The following ZBTB43 variants were observed in gnomAD, a reference collection of about 807,000 sequenced individuals.
ZBTB43 encodes the protein zinc finger and BTB domain containing 43.
Under a neutral mutation model 31.1 loss-of-function variants are expected in ZBTB43, and 6 were observed. The observed-to-expected ratio is 0.19, with a 90% CI of 0.11 to 0.38. ZBTB43 has a LOEUF of 0.38. Ranked by LOEUF, ZBTB43 falls within the 10% of genes least tolerant of loss-of-function variation. ZBTB43 has a pLI of 1.00. For missense variants in ZBTB43, 379 were observed against 602.1 expected (o/e 0.63, Z 3.88); for synonymous variants, 212 against 221.7 (o/e 0.96, Z 0.39).
chr9:126,817,128 T>TTTTTTA (rs2032404848), intron 2 of ZBTB43, among the ~76,000 whole-genome samples: 2 of 110,906 alleles, frequency 1.8e-5, no homozygotes, highest in African/African-American at 6.5e-5. Flanking sequence ...TTTTTTTTTT[T>TTTTTTA]GAGACAGAGT....
chr9:126,804,536 G>C (rs1363330134), upstream of ZBTB43, among the ~76,000 whole-genome samples: 3 of 152,214 alleles, frequency 2.0e-5, no homozygotes, highest in Non-Finnish European at 2.9e-5. Flanking sequence ...TCAGGCTGGA[G>C]TGCAGCGGCG....
intron 2 of ZBTB43, among the ~76,000 whole-genome samples, chr9:126,809,720 A>T (rs1016667128): frequency 1.3e-5 from 2 of 152,250 alleles, no homozygotes; most frequent in African/African-American, 2.4e-5. Flanking sequence ...CGTTAAAAAA[A>T]GCCAAATAGC....
intron 2 of ZBTB43, among the ~76,000 whole-genome samples, chr9:126,813,333 G>C (rs1199724113): frequency 6.6e-6 from 1 of 152,074 alleles, no homozygotes; most frequent in Non-Finnish European, 1.5e-5. Context: ...CCTATAATTA[G>C]CTTCTACTTC....
rs1287636444 is a variant in ZBTB43 at position 126,834,330 on chromosome 9, A to G, written c.*417A>G. On this transcript the variant is annotated 3_prime_UTR_variant, in exon 3 of 3. Transcript: ENST00000373464. Reference sequence around the variant, plus strand: ...TGCTATAGATACTTAGGTAATGTGGATTTGTTTTGGTAGCTATTTCACTGA... The same window carrying G: ...TGCTATAGATACTTAGGTAATGTGGGTTTGTTTTGGTAGCTATTTCACTGA... The G allele has an allele frequency of 5.8e-6, 1 of 171,118 alleles. No individual in the cohort carries two copies. The highest frequency in any genetic ancestry group is 1.4e-5 in the Non-Finnish European group (1 of 71,076). 10.6% of individuals were successfully genotyped at this position (171,118 alleles called of 1,614,324 possible).
At position 126,833,347 on chromosome 9, in the gene ZBTB43, C is replaced by G. The variant is rs2119172178; in HGVS notation, c.838C>G (p.His280Asp). ...GTCCATCAACACCGTGCAGACAGAG[C>G]ACACGGTGCAGCCTTCGGGAGTGGA... ...TESINTVQTE[H>D]TVQPSGVEED... Residue 280 changes from histidine (H) to aspartate (D), a missense_variant, in exon 3 of 3, where the codon CAC becomes GAC. Physicochemically the swap from His to Asp is moderately conservative, Grantham distance 81. Coordinates refer to ENST00000373464, the MANE Select transcript of ZBTB43 (RefSeq NM_014007.4). The surrounding 1 kb of genome is among the most constrained non-coding windows in gnomAD (Gnocchi z 7.9). 6.2e-7 allele frequency: 1 copy of G among 1,612,958 alleles called. No individual in the cohort carries two copies. Among genetic ancestry groups the G allele is most frequent in the East Asian group, 2.2e-5 (1 of 44,836 alleles).
chr9:126,804,673 C>T (rs1376824402), upstream of ZBTB43, among the ~76,000 whole-genome samples: 1 of 152,174 alleles, frequency 6.6e-6, no homozygotes, highest in Non-Finnish European at 1.5e-5. Flanking sequence ...TTTGTAGAGA[C>T]AGGGTTTCAC....
Position 126,833,944 on chromosome 9 carries a change from C to T in ZBTB43, c.*31C>T. On this transcript the variant is annotated 3_prime_UTR_variant, in exon 3 of 3. Coordinates refer to ENST00000373464, the MANE Select transcript of ZBTB43 (RefSeq NM_014007.4). The surrounding 1 kb of genome is among the most constrained non-coding windows in gnomAD (Gnocchi z 7.9). ...GGATCTGGCCCTTGAGTGGCATGCA[C>T]AAAAATAAACTATGGTAATTAATGC... 1 of 1,519,930 alleles carries T rather than the reference C, an allele frequency of 6.6e-7. No individual in the cohort carries two copies. Among genetic ancestry groups the T allele is most frequent in the Non-Finnish European group, 8.9e-7 (1 of 1,126,156 alleles). 94.2% of individuals were successfully genotyped at this position (1,519,930 alleles called of 1,614,324 possible). A position where few individuals can be genotyped will look rare whatever the true frequency, so the allele number is the denominator to read the frequency against.
chr9:126,804,921 C>A (rs1356032326), upstream of ZBTB43: 1 of 152,482 alleles, frequency 6.6e-6, no homozygotes, highest in Non-Finnish European at 1.5e-5. Context: ...TCCCGACGCC[C>A]AGCTCAGACG....
chr9:126,808,981 C>CA (rs753397601), intron 2 of ZBTB43, 66 bp downstream of exon 2: 1 of 152,120 alleles, frequency 6.6e-6, no homozygotes, highest in Non-Finnish European at 1.5e-5. Flanking sequence ...TCTCTTTTAG[C>CA]AAAAATAATA....
chr9:126,824,930 A>G (rs113262603), intron 2 of ZBTB43, among the ~76,000 whole-genome samples: 2,078 of 152,078 alleles, frequency 0.014, 53 homozygotes, highest in African/African-American at 0.047. Flanking sequence ...CTCAGGTTGT[A>G]TTCATTTTTC....
chr9:126,811,762 A>G (rs957780764), intron 2 of ZBTB43, among the ~76,000 whole-genome samples: 1 of 152,084 alleles, frequency 6.6e-6, no homozygotes, highest in African/African-American at 2.4e-5. Flanking sequence ...AGTAGCTGGG[A>G]CTACAGGCAC....
chr9:126,813,364 C>T (rs2032292569), intron 2 of ZBTB43, among the ~76,000 whole-genome samples: 1 of 152,202 alleles, frequency 6.6e-6, no homozygotes, highest in Non-Finnish European at 1.5e-5. Flanking sequence ...CTGCTTTAGT[C>T]CGTCAGCAGA....
At chr9:126,824,608 A>G (rs528319912) in intron 2 of ZBTB43, among the ~76,000 whole-genome samples, 1 of 152,116 alleles carries the variant, frequency 6.6e-6, no homozygotes, top group Non-Finnish European at 1.5e-5. Flanking sequence ...TGGCCTCCAT[A>G]TGGTTTCTGC....
At chr9:126,819,624 C>A (rs1266312999) in intron 2 of ZBTB43, among the ~76,000 whole-genome samples, 1 of 151,952 alleles carries the variant, frequency 6.6e-6, no homozygotes, top group Non-Finnish European at 1.5e-5. Context: ...ACGTGATACA[C>A]AACCACTTGA....
At chr9:126,808,963 TAATCATTTCTCTTTTAGCAAA>T in intron 2 of ZBTB43, 48 bp downstream of exon 2, 1 of 152,362 alleles carries the variant, frequency 6.6e-6, no homozygotes, top group South Asian at 2.1e-4. Flanking sequence ...TTACTTACTG[TAATCATTTCTCTTTTAGCAAA>T]AATAATAATG....
Position 126,833,755 on chromosome 9 carries a change from G to A in ZBTB43, c.1246G>A (p.Val416Met). The change falls in exon 3 of 3, where the codon GTG (valine) becomes ATG (methionine). Residue 416 changes from valine (V) to methionine (M), a missense_variant. Val to Met is a conservative substitution (Grantham distance 21, BLOSUM62 1). This residue lies in a region of ZBTB43 where 23 missense variants were observed against 105.1 expected (regional missense o/e 0.22). Transcript: ENST00000373464. The surrounding 1 kb of genome is among the most constrained non-coding windows in gnomAD (Gnocchi z 7.9). ...GAAATTCAAAATGAAGCACCATCTC[G>A]TGGGCCACATGAAAATTCACACAGG... Reference protein sequence around the residue: ...GKKFKMKHHLVGHMKIHTGIK... With the variant: ...GKKFKMKHHLMGHMKIHTGIK... 1 of 1,611,150 alleles carries A rather than the reference G, an allele frequency of 6.2e-7. No homozygotes were observed. Among genetic ancestry groups the A allele is most frequent in the Non-Finnish European group, 8.5e-7 (1 of 1,177,498 alleles).
chr9:126,817,611 G>A (rs2032417340), intron 2 of ZBTB43, among the ~76,000 whole-genome samples: 1 of 152,042 alleles, frequency 6.6e-6, no homozygotes, highest in African/African-American at 2.4e-5. Context: ...GAGCAGCTGG[G>A]ACTACAGGTG....
Position 126,833,570 on chromosome 9 carries a change from T to C in ZBTB43, c.1061T>C (p.Val354Ala). ...AAGYSENIEMVTGIKEEASHL... is the reference protein window; with the variant it reads ...AAGYSENIEMATGIKEEASHL... The stretch of plus-strand genomic sequence containing the variant: ...GGTTACAGTGAGAATATTGAAATGG[T>C]AACAGGGATTAAAGAAGAAGCTTCC... Residue 354 changes from valine (V) to alanine (A), a missense_variant, in exon 3 of 3, where the codon GTA becomes GCA. Transcript: ENST00000373464. The surrounding 1 kb of genome is among the most constrained non-coding windows in gnomAD (Gnocchi z 7.9). 6.2e-7 allele frequency: 1 copy of C among 1,613,872 alleles called. No individual in the cohort carries two copies. Among genetic ancestry groups the C allele is most frequent in the Non-Finnish European group, 8.5e-7 (1 of 1,179,944 alleles).
chr9:126,833,403 G>A lies in ZBTB43; in HGVS notation c.894G>A (p.Val298=), dbSNP rs750777759. ...ACTTCCACATCGGGGAGAAGAAAGT[G>A]GAAGCTGAGTTTGATGAACAGGCTG... ...EEDFHIGEKK[V]EAEFDEQADE... Residue 298 remains valine (V), a synonymous_variant, in exon 3 of 3, where the codon GTG becomes GTA. Transcript: ENST00000373464. This position sits in a 1 kb window ranked among gnomAD's most constrained non-coding sequence, Gnocchi z 7.9. The A allele has an allele frequency of 1.2e-6, 2 of 1,614,074 alleles. No individual in the cohort carries two copies. Among genetic ancestry groups the A allele is most frequent in the Admixed American group, 3.3e-5 (2 of 60,004 alleles).
Sources: gnomAD v4.1 joint callset for allele counts (sites outside exome capture counted in the v4.1 genomes callset) on GRCh38, gnomAD v4.1.1 for gene constraint, gnomAD v4.1.1 regional missense constraint, Gnocchi (gnomAD v3.1) non-coding constraint, MANE v1.5 for transcripts, NCBI Gene and HGNC (gene_info 2026-07-23, HGNC 2026-07-21) for gene names.